The following UGGT2 variants were observed in gnomAD, a reference collection of about 807,000 sequenced individuals.
UGGT2 encodes the protein UDP-glucose glycoprotein glucosyltransferase 2.
In UGGT2, 180 loss-of-function variants were observed where a neutral mutation model predicts 192.1. The observed-to-expected ratio is 0.94, with a 90% CI of 0.83 to 1.06. The LOEUF (loss-of-function observed/expected upper bound fraction) is 1.06, where lower values mean the gene tolerates loss of function less well. UGGT2 is among the 50% of genes least tolerant of loss of function. The pLI, the probability that UGGT2 is intolerant of heterozygous loss-of-function variation, is 0.00. For synonymous variants in UGGT2, 580 were observed against 591.0 expected (o/e 0.98, Z 0.27); for missense variants, 1,849 against 1,795.7 (o/e 1.03, Z -0.54).
At chr13:96,033,110 G>A (rs2052887982) in intron 1 of UGGT2, among the ~76,000 whole-genome samples, 1 of 152,216 alleles carries the variant, frequency 6.6e-6, no homozygotes, top group Non-Finnish European at 1.5e-5. Context: ...TCTTCAAGGA[G>A]AACTACAAAT....
chr13:95,964,361 A>G (rs952020115), intron 12 of UGGT2, among the ~76,000 whole-genome samples: 1 of 152,172 alleles, frequency 6.6e-6, no homozygotes, highest in African/African-American at 2.4e-5. Context: ...GTATAAAACT[A>G]CTAGAAGAAA....
At position 95,986,205 on chromosome 13, in the gene UGGT2, G is replaced by C. The variant is rs963830841; in HGVS notation, c.1031+128C>G. 7.9e-6 allele frequency: 5 copies of C among 629,560 alleles called. No individual in the cohort carries two copies. In the African/African-American group the frequency reaches 9.5e-5, roughly 12 times the overall value. 39.0% of individuals were successfully genotyped at this position (629,560 alleles called of 1,614,324 possible). A position where few individuals can be genotyped will look rare whatever the true frequency, so the allele number is the denominator to read the frequency against. Reference sequence around the variant, plus strand: ...AATATATATATATTGAAAAGGCCCTGATTTCACAAAAGCTATATATACTAG... The same window carrying C: ...AATATATATATATTGAAAAGGCCCTCATTTCACAAAAGCTATATATACTAG... On this transcript the variant is annotated intron_variant, in intron 9 of 38. Coordinates refer to ENST00000376747, the MANE Select transcript of UGGT2 (RefSeq NM_020121.4).
At chr13:95,927,661 T>C (rs1288412469) in intron 17 of UGGT2, among the ~76,000 whole-genome samples, 2 of 152,066 alleles carry the variant, frequency 1.3e-5, no homozygotes, top group East Asian at 3.8e-4. Flanking sequence ...TTTTTTGTTG[T>C]TTTTTTAAAT....
chr13:96,008,076 G>C (rs2052036529), intron 5 of UGGT2, among the ~76,000 whole-genome samples: 1 of 152,158 alleles, frequency 6.6e-6, no homozygotes, highest in Non-Finnish European at 1.5e-5. Flanking sequence ...CCAAAACTAT[G>C]AAACGACTAG....
chr13:95,904,665 T>G lies in UGGT2; in HGVS notation c.2296-1605A>C, dbSNP rs565406000. The stretch of plus-strand genomic sequence containing the variant: ...GCTGCATAGAATTCCATGGTGTATA[T>G]GTGCCACATTTTCTTAATCCAGTCT... On this transcript the variant is annotated intron_variant, in intron 20 of 38. Transcript: ENST00000376747. Among the ~76,000 whole-genome samples, 173 of 152,232 alleles carry G rather than the reference T, an allele frequency of 1.1e-3. 1 individual carries two copies. Among genetic ancestry groups the G allele is most frequent in the Non-Finnish European group, 1.5e-3 (100 of 68,018 alleles).
Position 95,890,932 on chromosome 13 carries a change from A to G in UGGT2, c.2888T>C (p.Met963Thr), listed in dbSNP as rs772246714. The change falls in exon 25 of 39, where the codon ATG becomes ACG. Residue 963 changes from methionine (M) to threonine (T), a missense_variant. Met to Thr is a moderately conservative substitution (Grantham distance 81). Transcript: ENST00000376747. ...VIKTNPQEND[M>T]FFNVIAIVDP... ...AACAATAGCAATGACATTGAAGAAC[A>G]TATCATTCTCTTGAGGATTCGTCTT... The G allele has an allele frequency of 2.5e-5, 41 of 1,612,556 alleles. No individual in the cohort carries two copies. The highest frequency in any genetic ancestry group is 3.4e-5 in the Non-Finnish European group (40 of 1,179,294).
Position 95,826,278 on chromosome 13 carries a change from G to T in UGGT2, c.4528+6649C>A, listed in dbSNP as rs1305516032. Among the ~76,000 whole-genome samples the T allele has an allele frequency of 5.3e-5, 8 of 152,136 alleles. No individual in the cohort carries two copies. The East Asian group carries it at 1.5e-3, about 29-fold the overall frequency. On this transcript the variant is annotated intron_variant, in intron 38 of 38. Coordinates refer to ENST00000376747, the MANE Select transcript of UGGT2 (RefSeq NM_020121.4). ...ATTATCTTAACGGGGAAACATAGAA[G>T]TTGGTCAACCACAGTAAGGAAAAAG...
At chr13:95,989,296 C>T (rs1216741818) in intron 8 of UGGT2, among the ~76,000 whole-genome samples, 1 of 151,884 alleles carries the variant, frequency 6.6e-6, no homozygotes, top group Non-Finnish European at 1.5e-5. Context: ...GATATAAAAG[C>T]TTATTTAACA....
At chr13:95,947,964 T>C in intron 14 of UGGT2, 32 bp downstream of exon 14, 1 of 1,546,316 alleles carries the variant, frequency 6.5e-7, no homozygotes, top group Admixed American at 1.7e-5. Context: ...TTTCCTTTAG[T>C]TGACAGTTTA....
At chr13:95,988,097 A>T (rs905591556) in intron 8 of UGGT2, among the ~76,000 whole-genome samples, 8 of 150,894 alleles carry the variant, frequency 5.3e-5, no homozygotes, top group African/African-American at 2.0e-4. Context: ...TTTGGTAACC[A>T]CTCTCTCCTC....
At chr13:95,939,683 A>T (rs1443965398) in intron 16 of UGGT2, among the ~76,000 whole-genome samples, 2 of 152,136 alleles carry the variant, frequency 1.3e-5, no homozygotes, top group African/African-American at 2.4e-5. Flanking sequence ...AATCCTTAAA[A>T]TGTACTTAGT....
chr13:95,925,775 C>T lies in UGGT2; in HGVS notation c.2201-1G>A. 1 of 1,527,490 alleles carries T rather than the reference C, an allele frequency of 6.5e-7. No homozygotes were observed. Among genetic ancestry groups the T allele is most frequent in the Non-Finnish European group, 8.8e-7 (1 of 1,133,188 alleles). 94.6% of individuals were successfully genotyped at this position (1,527,490 alleles called of 1,614,324 possible). ...GTGACTGCAGAAATTATACTCTCAT[C>T]TGAAAGTTTCAAACAGTTTACTCAA... On this transcript the variant is annotated splice_acceptor_variant, in intron 19 of 38. Coordinates refer to ENST00000376747, the MANE Select transcript of UGGT2 (RefSeq NM_020121.4). LOFTEE classifies it high-confidence loss of function.
intron 5 of UGGT2, among the ~76,000 whole-genome samples, chr13:96,001,413 T>C (rs2051799248): frequency 6.6e-6 from 1 of 151,908 alleles, no homozygotes; most frequent in Non-Finnish European, 1.5e-5. Context: ...CCTGCCCAAA[T>C]CTTATAAAAC....
At position 95,889,424 on chromosome 13, in the gene UGGT2, T is replaced by C. The variant is rs557505486; in HGVS notation, c.2958+1438A>G. Among the ~76,000 whole-genome samples, 46 of 152,262 alleles carry C rather than the reference T, an allele frequency of 3.0e-4. 1 individual carries two copies. The South Asian group carries it at 6.6e-3, about 22-fold the overall frequency. ...TCCAATGAGATTTGGCAGTGCGCAC[T>C]AAATTCTAAAAAAAATTGCATTTTG... On this transcript the variant is annotated intron_variant, in intron 25 of 38. Coordinates refer to ENST00000376747, the MANE Select transcript of UGGT2 (RefSeq NM_020121.4).
chr13:95,974,716 A>C (rs1594482770), intron 10 of UGGT2, among the ~76,000 whole-genome samples: 1 of 152,176 alleles, frequency 6.6e-6, no homozygotes, highest in African/African-American at 2.4e-5. Flanking sequence ...GTAAGAATTC[A>C]ATTTCTAGCA....
intron 26 of UGGT2, chr13:95,887,307 T>C: frequency 1.9e-6 from 1 of 516,302 alleles, no homozygotes; most frequent in Non-Finnish European, 3.9e-6. Context: ...GAAGGAGAAC[T>C]GAATATTCCC....
At chr13:95,948,480 A>G (rs2049955062) in intron 13 of UGGT2, among the ~76,000 whole-genome samples, 1 of 152,204 alleles carries the variant, frequency 6.6e-6, no homozygotes, top group South Asian at 2.1e-4. Flanking sequence ...TAGCATTAAC[A>G]TAACTGCTTT....
chr13:95,980,734 G>C (rs918421498), intron 10 of UGGT2, among the ~76,000 whole-genome samples: 4 of 152,170 alleles, frequency 2.6e-5, no homozygotes, highest in Non-Finnish European at 4.4e-5. Context: ...GCTGGATGTC[G>C]CTTTGGAATC....
intron 27 of UGGT2, among the ~76,000 whole-genome samples, chr13:95,883,712 A>G (rs1349454474): frequency 1.3e-5 from 2 of 152,146 alleles, no homozygotes; most frequent in Non-Finnish European, 2.9e-5. Flanking sequence ...CTGTGAGTTA[A>G]TTAAGCCTCT....
Sources: allele counts gnomAD v4.1 joint callset (sites outside exome capture counted in the v4.1 genomes callset), GRCh38; gene constraint gnomAD v4.1.1; transcripts MANE v1.5; gene names NCBI Gene and HGNC (gene_info 2026-07-23, HGNC 2026-07-21).